The following LILRB2 variants were observed in gnomAD, a reference collection of about 807,000 sequenced individuals.
The protein encoded by LILRB2 is leukocyte immunoglobulin-like receptor subfamily B member 2.
A neutral mutation model predicts 72.7 loss-of-function variants in LILRB2; 47 were observed. The observed-to-expected ratio is 0.65, with a 90% CI of 0.51 to 0.82. The LOEUF (loss-of-function observed/expected upper bound fraction) is 0.82. Among genes scored for constraint, LILRB2 ranks in the 40% least tolerant of loss-of-function variants. The pLI is 0.00. For missense variants in LILRB2, 767 were observed against 764.8 expected (o/e 1.00, Z -0.03); for synonymous variants, 279 against 313.7 (o/e 0.89, Z 1.17).
At position 54,276,165 on chromosome 19, in the gene LILRB2, G is replaced by A. The variant is rs2080211742; in HGVS notation, c.1594+99C>T. ...GTGGGGTGAGATGATCTCACCCTGA[G>A]CCCCAGACCCTTTCCAGCCGGTGCC... On this transcript the variant is annotated intron_variant, in intron 12 of 13. Transcript: ENST00000314446. 8 of 1,586,954 alleles carry A rather than the reference G, an allele frequency of 5.0e-6. No individual in the cohort carries two copies. In the African/African-American group the frequency reaches 5.4e-5, roughly 11 times the overall value.
At position 54,276,830 on chromosome 19, in the gene LILRB2, C is replaced by G. The variant is rs749515031; in HGVS notation, c.1457G>C (p.Arg486Pro). 1 of 1,613,866 alleles carries G rather than the reference C, an allele frequency of 6.2e-7. No homozygotes were observed. Among genetic ancestry groups the G allele is most frequent in the Non-Finnish European group, 8.5e-7 (1 of 1,179,880 alleles). ...ACTCGATGTCCAGTGTTTGCCCTGA[C>G]GTCGATGTCGGAGGATGAGGAAGAG... ...LLLFLILRHR[R>P]QGKHWTSTQR... Residue 486 changes from arginine to proline, a missense_variant, in exon 10 of 14, where the codon CGT becomes CCT. By Grantham distance (103) the Arg-to-Pro change is moderately radical (BLOSUM62 -2). Transcript: ENST00000314446.
chr19:54,276,040 G>T, intron 12 of LILRB2, 37 bp from the exon 13 acceptor site: 1 of 1,610,004 alleles, frequency 6.2e-7, no homozygotes, highest in Non-Finnish European at 8.5e-7. Context: ...CTCTTGGGAA[G>T]GTTCCCTGGG....
At chr19:54,278,230 G>A in intron 7 of LILRB2, 30 bp downstream of exon 7, 1 of 1,612,910 alleles carries the variant, frequency 6.2e-7, no homozygotes, top group South Asian at 1.1e-5. Flanking sequence ...GAGCCTTTGA[G>A]CTCAGAGAGG....
intron 5 of LILRB2, 49 bp downstream of exon 5, chr19:54,279,296 A>G: frequency 6.4e-7 from 1 of 1,574,612 alleles, no homozygotes; most frequent in Non-Finnish European, 8.6e-7. Context: ...ACCTGCCTGG[A>G]GACTCAGGGA....
chr19:54,280,597 G>A (rs2080506333), intron 1 of LILRB2, 53 bp from the exon 2 acceptor site: 2 of 1,560,876 alleles, frequency 1.3e-6, no homozygotes, highest in Admixed American at 1.7e-5. Flanking sequence ...TTCCCACCCT[G>A]TGTGGACACT....
chr19:54,276,297 T>C lies in LILRB2; in HGVS notation c.1561A>G (p.Ser521Gly), dbSNP rs1307026036. The change falls in exon 12 of 14, where the codon AGC becomes GGC. Residue 521 changes from serine (S) to glycine (G), a missense_variant. By Grantham distance (56) the Ser-to-Gly change is moderately conservative. Coordinates refer to ENST00000314446, the MANE Select transcript of LILRB2 (RefSeq NM_001080978.4). ...TCTTCCTGGGCGTCGGCAGCTGGGCTGGACCTGGGGGAGGAATGGGAGCTT... is the reference window on the plus strand; with the variant it reads ...TCTTCCTGGGCGTCGGCAGCTGGGCCGGACCTGGGGGAGGAATGGGAGCTT... ...PTDRGLQWRS[S>G]PAADAQEENL... 1.9e-6 allele frequency: 3 copies of C among 1,613,996 alleles called. No individual in the cohort carries two copies. The highest frequency in any genetic ancestry group is 2.5e-6 in the Non-Finnish European group (3 of 1,180,040).
intron 8 of LILRB2, 137 bp downstream of exon 8, chr19:54,277,752 C>T (rs1313171637): frequency 4.6e-6 from 6 of 1,310,894 alleles, no homozygotes; most frequent in African/African-American, 3.0e-5. Context: ...ACCCTGTGGC[C>T]CCTCCTCTGG....
intron 7 of LILRB2, 77 bp downstream of exon 7, chr19:54,278,183 C>T (rs888278060): frequency 6.3e-7 from 1 of 1,575,268 alleles, no homozygotes; most frequent in African/African-American, 1.3e-5. Context: ...TCACTCCATC[C>T]CAGCCCAGAG....
chr19:54,276,213 C>T (rs1461272508), intron 12 of LILRB2, 51 bp downstream of exon 12: 2 of 1,612,268 alleles, frequency 1.2e-6, no homozygotes, highest in African/African-American at 1.3e-5. Flanking sequence ...GCTACGGAAA[C>T]TTCGGGGCCC....
chr19:54,274,851 G>A (rs1238166782), intron 13 of LILRB2, 22 bp from the exon 14 acceptor site: 1 of 1,611,650 alleles, frequency 6.2e-7, no homozygotes, highest in African/African-American at 1.4e-5. Context: ...GAGAGTGAGA[G>A]GTAAGGAACG....
At chr19:54,276,551 CT>C (rs1457627170) in intron 10 of LILRB2, 95 bp from the exon 11 acceptor site, 1 of 1,379,744 alleles carries the variant, frequency 7.2e-7, no homozygotes, top group African/African-American at 1.5e-5. Context: ...CCTAAAAACA[CT>C]CCTGCCTCCA....
chr19:54,279,430 C>T lies in LILRB2; in HGVS notation c.573G>A (p.Arg191=), dbSNP rs1451508986. 4 of 1,614,180 alleles carry T rather than the reference C, an allele frequency of 2.5e-6. No individual in the cohort carries two copies. Among genetic ancestry groups the T allele is most frequent in the Admixed American group, 1.7e-5 (1 of 60,024 alleles). The part of the protein sequence containing the change: ...FSVGPVSPNR[R]WSHRCYGYDL... Reference sequence around the variant, plus strand: ...CATAACCATAGCACCTGTGCGACCACCTGCGATTCGGGCTCACGGGGCCCA... The same window carrying T: ...CATAACCATAGCACCTGTGCGACCATCTGCGATTCGGGCTCACGGGGCCCA... The change falls in exon 5 of 14, where the codon AGG becomes AGA. Residue 191 remains arginine, a synonymous_variant. Transcript: ENST00000314446.
chr19:54,278,430 T>C lies in LILRB2; in HGVS notation c.1088A>G (p.Asp363Gly). The change falls in exon 7 of 14, where the codon GAT (aspartate) becomes GGT (glycine). Residue 363 changes from aspartate (D) to glycine (G), a missense_variant. By Grantham distance (94) the Asp-to-Gly change is moderately conservative. Around this residue, in one of 3 missense-constraint regions of LILRB2, gnomAD observed 599 missense variants for 568.2 expected, o/e 1.05. Coordinates refer to ENST00000314446, the MANE Select transcript of LILRB2 (RefSeq NM_001080978.4). Reference sequence around the variant, plus strand: ...TATTGATCTTAGACGGAGTGGGGCATCAGCTGCTCCCGCCTTGGTCAGAAG... The same window carrying C: ...TATTGATCTTAGACGGAGTGGGGCACCAGCTGCTCCCGCCTTGGTCAGAAG... The part of the protein sequence containing the change: ...TFLLTKAGAA[D>G]APLRLRSIHE... 1 of 1,614,170 alleles carries C rather than the reference T, an allele frequency of 6.2e-7. No individual in the cohort carries two copies. Among genetic ancestry groups the C allele is most frequent in the Non-Finnish European group, 8.5e-7 (1 of 1,180,004 alleles).
Position 54,279,923 on chromosome 19 carries a change from G to T in LILRB2, c.223C>A (p.Pro75Thr), listed in dbSNP as rs751879391. Residue 75 changes from proline (P) to threonine (T), a missense_variant, in exon 4 of 14, where the codon CCA becomes ACA. Around this residue, in one of 3 missense-constraint regions of LILRB2, gnomAD observed 599 missense variants for 568.2 expected, o/e 1.05. Transcript: ENST00000314446. The stretch of plus-strand genomic sequence containing the variant: ...AACTGGCCGTTCTTCACAAGCTCTG[G>T]TCGTATCCGTGTAATCCAAGATGCT... ...KSASWITRIRPELVKNGQFHI... is the reference protein window; with the variant it reads ...KSASWITRIRTELVKNGQFHI... The T allele has an allele frequency of 6.2e-7, 1 of 1,613,998 alleles. No individual in the cohort carries two copies. The highest frequency in any genetic ancestry group is 1.7e-5 in the Admixed American group (1 of 60,002).
chr19:54,279,208 C>T, intron 5 of LILRB2, 100 bp from the exon 6 acceptor site: 3 of 1,549,342 alleles, frequency 1.9e-6, no homozygotes, highest in Non-Finnish European at 2.6e-6. Flanking sequence ...CTTCCTGTGT[C>T]TCTGGCCCCA....
At chr19:54,277,168 C>T (rs958919586) in intron 9 of LILRB2, 17 of 1,506,850 alleles carry the variant, frequency 1.1e-5, no homozygotes, top group Admixed American at 2.0e-5. Flanking sequence ...GGAGTCTGAC[C>T]TGCAGCCCTT....
At position 54,275,989 on chromosome 19, in the gene LILRB2, C is replaced by T. The variant is rs750760842; in HGVS notation, c.1609G>A (p.Asp537Asn). 2.0e-5 allele frequency: 32 copies of T among 1,613,174 alleles called. No individual in the cohort carries two copies. Among genetic ancestry groups the T allele is most frequent in the Middle Eastern group, 3.3e-4 (2 of 6,050 alleles). The change falls in exon 13 of 14, where the codon GAC (aspartate) becomes AAC (asparagine). Residue 537 changes from aspartate to asparagine, a missense_variant. By Grantham distance (23) the Asp-to-Asn change is conservative. This residue lies in a region of LILRB2 where 162 missense variants were observed against 176.7 expected (regional missense o/e 0.92). Coordinates refer to ENST00000314446, the MANE Select transcript of LILRB2 (RefSeq NM_001080978.4). The part of the protein sequence containing the change: ...QEENLYAAVK[D>N]TQPEDGVEMD... ...TCCACCCCATCTTCAGGCTGTGTGT[C>T]CTTCACGGCAGCATCTGCTGGGGCA... is the stretch of plus-strand genomic sequence containing the variant.
chr19:54,276,043 T>A lies in LILRB2; in HGVS notation c.1595-40A>T, dbSNP rs766887743. 34 of 1,609,452 alleles carry A rather than the reference T, an allele frequency of 2.1e-5. No homozygotes were observed. In the South Asian group the frequency reaches 3.8e-4, roughly 18 times the overall value. ...CAAGGGGTTCGTCTCTTGGGAAGGT[T>A]CCCTGGGACCTCTGAGTCCTGCCAG... On this transcript the variant is annotated intron_variant, in intron 12 of 13. Transcript: ENST00000314446.
chr19:54,278,120 C>T, intron 7 of LILRB2, 140 bp downstream of exon 7: 1 of 1,278,160 alleles, frequency 7.8e-7, no homozygotes. Context: ...CTGTTGTCCT[C>T]CTTCCCTCTG....
Sources: allele counts gnomAD v4.1 joint callset, GRCh38; gene constraint gnomAD v4.1.1; regional missense constraint gnomAD v4.1.1; transcripts MANE v1.5; gene names NCBI Gene and HGNC (gene_info 2026-07-23, HGNC 2026-07-21).